SPAG16: variants seen among roughly 807,000 people sequenced by gnomAD.
The protein encoded by SPAG16 is sperm-associated antigen 16 protein.
SPAG16 carries 86 observed loss-of-function variants against 80.4 expected under a neutral mutation model. The observed-to-expected ratio is 1.07, with a 90% confidence interval of 0.90 to 1.28. The LOEUF (loss-of-function observed/expected upper bound fraction) is 1.28. SPAG16 is among the 50% of genes most tolerant of loss of function. SPAG16 has a pLI of 0.00. For missense variants in SPAG16, 870 were observed against 765.3 expected (o/e 1.14, Z -1.61); for synonymous variants, 294 against 265.9 (o/e 1.11, Z -1.03).
At chr2:213,878,797 C>T (rs1380714664) in intron 11 of SPAG16, among the ~76,000 whole-genome samples, 1 of 151,970 alleles carries the variant, frequency 6.6e-6, no homozygotes, top group Non-Finnish European at 1.5e-5. Context: ...CATTTAAATT[C>T]TTAATCCATC....
Position 213,364,136 on chromosome 2 carries a change from C to G in SPAG16, c.823C>G (p.Gln275Glu). The G allele has an allele frequency of 6.6e-7, 1 of 1,513,312 alleles. No individual in the cohort carries two copies. The highest frequency in any genetic ancestry group is 1.4e-5 in the African/African-American group (1 of 71,014). 93.7% of individuals were successfully genotyped at this position (1,513,312 alleles called of 1,614,324 possible). Residue 275 changes from glutamine (Q) to glutamate (E), a missense_variant, in exon 8 of 16, where the codon CAA becomes GAA. Gln to Glu is a conservative substitution (Grantham distance 29, BLOSUM62 2). Coordinates refer to ENST00000331683, the MANE Select transcript of SPAG16 (RefSeq NM_024532.5). ...LQRGHSYHGPQIKVDHSREKE... is the reference protein window; with the variant it reads ...LQRGHSYHGPEIKVDHSREKE... ...AAGAGGACATAGTTACCATGGTCCT[C>G]AAATTAAAGGTAAATGTAAAATGTG...
rs1267021460 is a variant in SPAG16 at position 213,284,597 on chromosome 2, T to C, written c.114T>C (p.Ala38=). 3 of 1,609,438 alleles carry C rather than the reference T, an allele frequency of 1.9e-6. No individual in the cohort carries two copies. In the Admixed American group the frequency reaches 5.0e-5, roughly 27 times the overall value. Residue 38 remains alanine, a synonymous_variant, in exon 1 of 16, where the codon GCT becomes GCC. Transcript: ENST00000331683. Reference sequence around the variant, plus strand: ...GGGACACGGCGGACGCGGTGGCGGCTGAGGGCGCCTACTACCTGGAACGTA... The same window carrying C: ...GGGACACGGCGGACGCGGTGGCGGCCGAGGGCGCCTACTACCTGGAACGTA... ...DARDTADAVA[A]EGAYYLEQVT... is the part of the protein sequence containing the mutation.
intron 10 of SPAG16, among the ~76,000 whole-genome samples, chr2:213,514,757 A>C (rs1400261373): frequency 6.6e-6 from 1 of 151,932 alleles, no homozygotes; most frequent in Admixed American, 6.6e-5. Flanking sequence ...TAATTTTAAC[A>C]CTGAAATTAT....
intron 15 of SPAG16, among the ~76,000 whole-genome samples, chr2:214,225,354 A>G (rs76455669): frequency 6.6e-6 from 1 of 152,124 alleles, no homozygotes; most frequent in Non-Finnish European, 1.5e-5. Context: ...TCCTAAATCT[A>G]GATTGTGGAG....
At position 214,359,542 on chromosome 2, in the gene SPAG16, T is replaced by C. The variant is rs1321770926; in HGVS notation, c.1721-50598T>C. Among the ~76,000 whole-genome samples the C allele has an allele frequency of 3.3e-5, 5 of 151,952 alleles. No homozygotes were observed. In the East Asian group the frequency reaches 9.6e-4, roughly 29 times the overall value. On this transcript the variant is annotated intron_variant, in intron 15 of 15. Coordinates refer to ENST00000331683, the MANE Select transcript of SPAG16 (RefSeq NM_024532.5). ...CTTTTCAAAGAGCATTTAATTCTCA[T>C]AGGCATGCCTATCCTGTATTTCTTC...
intron 13 of SPAG16, among the ~76,000 whole-genome samples, chr2:214,076,676 T>C (rs2051095788): frequency 6.6e-6 from 1 of 152,114 alleles, no homozygotes; most frequent in South Asian, 2.1e-4. Flanking sequence ...AGCAAGTTAC[T>C]TGACCTCTTG....
At chr2:213,380,300 G>A (rs1040013267) in intron 9 of SPAG16, among the ~76,000 whole-genome samples, 10 of 152,096 alleles carry the variant, frequency 6.6e-5, no homozygotes, top group Non-Finnish European at 1.2e-4. Flanking sequence ...GTCAACTTTC[G>A]GATGGTGCCT....
intron 1 of SPAG16, among the ~76,000 whole-genome samples, chr2:213,293,283 T>C (rs1490290582): frequency 6.6e-6 from 1 of 152,194 alleles, no homozygotes; most frequent in African/African-American, 2.4e-5. Flanking sequence ...CCTTATAAAT[T>C]ACCCAGTCTT....
chr2:214,285,401 C>G (rs7584487), intron 15 of SPAG16, among the ~76,000 whole-genome samples: 63,910 of 151,914 alleles, frequency 0.42, 15,487 homozygotes, highest in South Asian at 0.58. Context: ...CAGATGTATG[C>G]CTTGCAAACA....
At chr2:214,023,887 A>G (rs2048009428) in intron 13 of SPAG16, among the ~76,000 whole-genome samples, 1 of 151,768 alleles carries the variant, frequency 6.6e-6, no homozygotes, top group African/African-American at 2.4e-5. Context: ...TAATGGCATT[A>G]AATAATTTAA....
At chr2:214,127,443 A>G (rs560475647) in intron 14 of SPAG16, among the ~76,000 whole-genome samples, 1 of 151,866 alleles carries the variant, frequency 6.6e-6, no homozygotes, top group East Asian at 1.9e-4. Context: ...TGGTAGATGG[A>G]AAGAGCAGAG....
intron 15 of SPAG16, among the ~76,000 whole-genome samples, chr2:214,157,145 T>C (rs1298545659): frequency 3.9e-5 from 6 of 152,192 alleles, no homozygotes; most frequent in Admixed American, 3.9e-4. Flanking sequence ...GCTCTTTGGA[T>C]GCACAAGTCT....
At chr2:214,109,261 C>T (rs1024570727) in intron 14 of SPAG16, among the ~76,000 whole-genome samples, 6 of 152,040 alleles carry the variant, frequency 3.9e-5, no homozygotes, top group Admixed American at 2.0e-4. Context: ...ACAGTTGCCA[C>T]GTGAATTAAG....
intron 13 of SPAG16, among the ~76,000 whole-genome samples, chr2:214,098,116 A>C (rs2052732695): frequency 6.6e-6 from 1 of 152,160 alleles, no homozygotes. Flanking sequence ...TAAAATATAC[A>C]ACTTTTCATT....
intron 9 of SPAG16, among the ~76,000 whole-genome samples, chr2:213,389,231 G>A (rs568870466): frequency 2.0e-5 from 3 of 152,056 alleles, no homozygotes; most frequent in East Asian, 3.9e-4. Flanking sequence ...TAATAAAGTT[G>A]GACCCTTACT....
intron 10 of SPAG16, among the ~76,000 whole-genome samples, chr2:213,493,271 GT>G (rs574417348): frequency 2.6e-5 from 4 of 152,158 alleles, no homozygotes; most frequent in Admixed American, 6.5e-5. Flanking sequence ...GAATAATTAT[GT>G]TTTTTTCCCC....
At chr2:213,865,756 A>T (rs1465529189) in intron 11 of SPAG16, among the ~76,000 whole-genome samples, 1 of 147,428 alleles carries the variant, frequency 6.8e-6, no homozygotes, top group Admixed American at 6.8e-5. Flanking sequence ...ATACATGCAC[A>T]TATATGTGTA....
At chr2:213,968,784 T>G (rs1273386401) in intron 12 of SPAG16, among the ~76,000 whole-genome samples, 2 of 152,234 alleles carry the variant, frequency 1.3e-5, no homozygotes, top group African/African-American at 4.8e-5. Context: ...TCATAATATA[T>G]ATCACCTTGA....
At chr2:213,472,846 G>A (rs550766330) in intron 9 of SPAG16, among the ~76,000 whole-genome samples, 3 of 152,274 alleles carry the variant, frequency 2.0e-5, no homozygotes, top group East Asian at 1.9e-4. Flanking sequence ...ATTAGTCCCC[G>A]AATTATCTGA....
Sources: allele counts gnomAD v4.1 joint callset (sites outside exome capture counted in the v4.1 genomes callset), GRCh38; gene constraint gnomAD v4.1.1; transcripts MANE v1.5; gene names NCBI Gene and HGNC (gene_info 2026-07-23, HGNC 2026-07-21).